Variants in CHIC1 observed in about 807,000 individuals in gnomAD.
CHIC1 encodes the protein cysteine-rich hydrophobic domain-containing protein 1.
Under a neutral mutation model 18.5 loss-of-function variants are expected in CHIC1, and 7 were observed. The ratio of observed to expected loss-of-function variants is 0.38; its 90% CI spans 0.22 to 0.71. CHIC1 has a LOEUF of 0.71. CHIC1 is among the 30% of genes least tolerant of loss of function. The probability of loss-of-function intolerance (pLI) is 0.49; values close to 1 mark genes in which losing one functional copy is unlikely to be tolerated. For synonymous variants in CHIC1, 77 were observed against 73.5 expected, an observed-to-expected ratio of 1.05 and a Z score of -0.25; for missense variants, 159 against 176.9, an observed-to-expected ratio of 0.90 and a Z score of 0.57.
intron 3 of CHIC1, among the ~76,000 whole-genome samples, chrX:73,625,308 A>G (rs766154952): frequency 7.2e-5 from 8 of 111,398 alleles, no homozygotes; most frequent in Non-Finnish European, 5.7e-5. Context: ...AATCCATTCA[A>G]AGTGGATTAA....
At chrX:73,643,919 G>T in intron 3 of CHIC1, among the ~76,000 whole-genome samples, 1 of 112,294 alleles carries the variant, frequency 8.9e-6, no homozygotes, top group Middle Eastern at 4.7e-3. Context: ...GAGGAGCTGC[G>T]TTCCTTTGGA....
At position 73,656,586 on chromosome X, in the gene CHIC1, G is replaced by A. The variant is rs1476312333; in HGVS notation, c.508-22740G>A. 3.6e-5 allele frequency among the ~76,000 whole-genome samples: 4 copies of A among 111,517 alleles called. No individual in the cohort carries two copies. The Admixed American group carries it at 3.8e-4, about 11-fold the overall frequency. On this transcript the variant is annotated intron_variant, in intron 3 of 5. Coordinates refer to ENST00000373502, the MANE Select transcript of CHIC1 (RefSeq NM_001039840.4). ...CCTTTCCCATTGCTTGTTTTTCTCA[G>A]GTTTGTCAAACATCAGTTGGTTGTA...
intron 3 of CHIC1, among the ~76,000 whole-genome samples, chrX:73,652,775 A>G (rs1455996171): frequency 2.7e-5 from 3 of 112,130 alleles, no homozygotes; most frequent in African/African-American, 9.7e-5. Flanking sequence ...CTTTTACATT[A>G]TTGGTGGAAT....
rs1156677131 is a variant in CHIC1, at chrX:73,606,388, T to A, written c.507+21816T>A. 4.7e-5 allele frequency among the ~76,000 whole-genome samples: 5 copies of A among 106,952 alleles called. 1 individual carries two copies. The highest frequency in any genetic ancestry group is 1.8e-4 in the African/African-American group (5 of 27,242). 92.9% of individuals were successfully genotyped at this position (106,952 alleles called of 115,157 possible). A position where few individuals can be genotyped will look rare whatever the true frequency, so the allele number is the denominator to read the frequency against. ...TATTCTAGATAGCAATTCCTCTAAT[T>A]TTTTTTCAAGGCTCTTAGCTTCATT... On this transcript the variant is annotated intron_variant, in intron 3 of 5. Transcript: ENST00000373502.
intron 3 of CHIC1, among the ~76,000 whole-genome samples, chrX:73,628,487 T>C (rs1029451500): frequency 1.8e-5 from 2 of 112,103 alleles, no homozygotes; most frequent in Non-Finnish European, 3.8e-5. Flanking sequence ...GATTCCCCTC[T>C]GGCTAGGGCT....
At chrX:73,590,428 A>G (rs2057575931) in intron 3 of CHIC1, among the ~76,000 whole-genome samples, 1 of 111,290 alleles carries the variant, frequency 9.0e-6, no homozygotes, top group Non-Finnish European at 1.9e-5. Context: ...TTAGTGTGGT[A>G]CAGTTGTTAC....
intron 3 of CHIC1, among the ~76,000 whole-genome samples, chrX:73,672,477 A>G (rs1393781979): frequency 1.8e-5 from 2 of 112,073 alleles, no homozygotes; most frequent in South Asian, 3.7e-4. Context: ...GGTGTGAGAT[A>G]GCATCTCATT....
Position 73,659,370 on chromosome X carries a change from CTTTTTT to C in CHIC1, c.508-19938_508-19933del, listed in dbSNP as rs149705423. Among the ~76,000 whole-genome samples, 4 of 35,183 alleles carry C rather than the reference CTTTTTT, an allele frequency of 1.1e-4. No homozygotes were observed. The Admixed American group carries it at 1.5e-3, about 13-fold the overall frequency. The allele number at this position is 35,183 out of a possible 115,157, so 30.6% of individuals were successfully genotyped here. On this transcript the variant is annotated intron_variant, in intron 3 of 5. Coordinates refer to ENST00000373502, the MANE Select transcript of CHIC1 (RefSeq NM_001039840.4). ...ATGATCTCCTACATCTTCCCCTTTT[CTTTTTT>C]TTTTTTTTTTTTTTTTTGCATCAGG...
At chrX:73,679,007 C>T (rs989402672) in intron 3 of CHIC1, among the ~76,000 whole-genome samples, 1 of 111,947 alleles carries the variant, frequency 8.9e-6, no homozygotes, top group Non-Finnish European at 1.9e-5. Context: ...AAAATCTCAA[C>T]TTAGTATATA....
At chrX:73,680,928 A>T (rs763722638) in intron 5 of CHIC1, 27 bp from the exon 6 acceptor site, 1 of 809,001 alleles carries the variant, frequency 1.2e-6, no homozygotes, top group South Asian at 2.5e-5. Flanking sequence ...AATATTTTGT[A>T]AATATATTCT....
chrX:73,622,080 C>T (rs776502859), intron 3 of CHIC1, among the ~76,000 whole-genome samples: 1 of 111,977 alleles, frequency 8.9e-6, no homozygotes, highest in African/African-American at 3.2e-5. Flanking sequence ...TTTTGATTTG[C>T]TGCTGGATTT....
intron 2 of CHIC1, among the ~76,000 whole-genome samples, chrX:73,581,585 A>T (rs1468454493): frequency 9.0e-6 from 1 of 111,056 alleles, no homozygotes; most frequent in Non-Finnish European, 1.9e-5. Context: ...TCAGATACAG[A>T]TTTCTTTCAA....
At chrX:73,606,922 T>G in intron 3 of CHIC1, among the ~76,000 whole-genome samples, 1 of 109,066 alleles carries the variant, frequency 9.2e-6, no homozygotes, top group Non-Finnish European at 1.9e-5. Flanking sequence ...TCTTGACTAC[T>G]CCTGGGAGTT....
intron 3 of CHIC1, among the ~76,000 whole-genome samples, chrX:73,675,828 A>G (rs1181546098): frequency 3.6e-5 from 4 of 110,393 alleles, no homozygotes; most frequent in East Asian, 2.8e-4. Flanking sequence ...TCCTAGCCTC[A>G]ATGGTCTTTA....
At chrX:73,626,998 G>C (rs1218410416) in intron 3 of CHIC1, among the ~76,000 whole-genome samples, 3 of 110,465 alleles carry the variant, frequency 2.7e-5, no homozygotes, top group Non-Finnish European at 3.8e-5. Context: ...AACTGTGTCT[G>C]CATATGGGGC....
intron 3 of CHIC1, among the ~76,000 whole-genome samples, chrX:73,606,511 A>G (rs1391406195): frequency 9.3e-6 from 1 of 107,054 alleles, no homozygotes; most frequent in Admixed American, 9.9e-5. Context: ...TTCTCCGTCC[A>G]GTTTTGCTCC....
At chrX:73,614,990 T>C (rs1390298733) in intron 3 of CHIC1, among the ~76,000 whole-genome samples, 1 of 111,752 alleles carries the variant, frequency 8.9e-6, no homozygotes, top group Non-Finnish European at 1.9e-5. Context: ...GCATCTGATA[T>C]AACAGTTGCT....
At chrX:73,629,657 T>A (rs1444109588) in intron 3 of CHIC1, among the ~76,000 whole-genome samples, 1 of 112,037 alleles carries the variant, frequency 8.9e-6, no homozygotes, top group Admixed American at 9.5e-5. Flanking sequence ...ATTTGTCTAC[T>A]TTTATGTCAG....
At chrX:73,659,093 G>C (rs956148159) in intron 3 of CHIC1, among the ~76,000 whole-genome samples, 30 of 111,519 alleles carry the variant, frequency 2.7e-4, no homozygotes, top group Non-Finnish European at 5.1e-4. Context: ...CGTACTTGTG[G>C]GTAATTAACA....
Sources: allele counts gnomAD v4.1 joint callset (sites outside exome capture counted in the v4.1 genomes callset), GRCh38; gene constraint gnomAD v4.1.1; transcripts MANE v1.5; gene names NCBI Gene and HGNC (gene_info 2026-07-23, HGNC 2026-07-21).